The following DHX8 variants were observed in gnomAD, a reference collection of about 807,000 sequenced individuals.
The protein encoded by DHX8 is DEAH-box helicase 8.
In DHX8, 67 loss-of-function variants were observed where a neutral mutation model predicts 140.7. That is an observed-to-expected ratio of 0.48 (90% CI 0.39 to 0.58). The LOEUF (loss-of-function observed/expected upper bound fraction) is 0.58, where lower values mean the gene tolerates loss of function less well. Ranked by LOEUF, DHX8 falls within the 20% of genes least tolerant of loss-of-function variation. DHX8 has a pLI of 0.00. For synonymous variants in DHX8, 533 were observed against 553.2 expected, an observed-to-expected ratio of 0.96 and a Z score of 0.51; for missense variants, 887 against 1,550.7, an observed-to-expected ratio of 0.57 and a Z score of 7.19.
intron 3 of DHX8, chr17:43,544,112 C>T (rs956890440): frequency 2.1e-4 from 32 of 152,132 alleles, no homozygotes; most frequent in African/African-American, 7.7e-4. Context: ...GGTAGTTAAC[C>T]CTTCCCTCTC....
downstream of DHX8, among the ~76,000 whole-genome samples, chr17:43,531,104 G>A (rs1386095997): frequency 2.0e-5 from 3 of 152,346 alleles, no homozygotes; most frequent in African/African-American, 7.2e-5. Flanking sequence ...TTGAGGACAG[G>A]AGCACCATCC....
At position 43,523,873 on chromosome 17, in the gene DHX8, C is replaced by T; in HGVS notation, c.*26C>T. 1 of 1,613,690 alleles carries T rather than the reference C, an allele frequency of 6.2e-7. No homozygotes were observed. Among genetic ancestry groups the T allele is most frequent in the Non-Finnish European group, 8.5e-7 (1 of 1,179,816 alleles). Reference sequence around the variant, plus strand: ...AAGGCAAGATTGTTCCTTTGCCTCTCCAGCAGCAGTAGCCAGGGCTTGGAC... The same window carrying T: ...AAGGCAAGATTGTTCCTTTGCCTCTTCAGCAGCAGTAGCCAGGGCTTGGAC... On this transcript the variant is annotated 3_prime_UTR_variant, in exon 23 of 23. Coordinates refer to ENST00000262415, the MANE Select transcript of DHX8 (RefSeq NM_004941.3).
chr17:43,522,956 G>A, intron 22 of DHX8, among the ~76,000 whole-genome samples: 1 of 151,116 alleles, frequency 6.6e-6, no homozygotes, highest in East Asian at 1.9e-4. Flanking sequence ...CCAGCTACTT[G>A]GGAGGCTGAG....
chr17:43,522,703 A>G (rs9905593), intron 22 of DHX8, among the ~76,000 whole-genome samples: 32,265 of 132,578 alleles, frequency 0.24, 3,874 homozygotes, highest in Middle Eastern at 0.4. Flanking sequence ...AGCCGAAATC[A>G]CCCATTGCAC....
chr17:43,492,872 C>G lies in DHX8; in HGVS notation c.695C>G (p.Pro232Arg). 1 of 1,614,170 alleles carries G rather than the reference C, an allele frequency of 6.2e-7. No individual in the cohort carries two copies. The highest frequency in any genetic ancestry group is 1.1e-5 in the South Asian group (1 of 91,088). Residue 232 changes from proline (P) to arginine (R), a missense_variant, in exon 6 of 23, where the codon CCC becomes CGC. Pro to Arg is a moderately radical substitution (Grantham distance 103). Around this residue, in one of 9 missense-constraint regions of DHX8, gnomAD observed 304 missense variants for 306.9 expected, o/e 0.99. Transcript: ENST00000262415. The part of the protein sequence containing the change: ...YRSRSRSQSP[P>R]KDRKDRDKYG... ...TCCAGGAGCAGGAGTCAGAGTCCCC[C>G]CAAAGACCGGAAGGACCGGGACAAA... is the stretch of plus-strand genomic sequence containing the variant.
chr17:43,504,535 G>C, intron 11 of DHX8, 109 bp from the exon 12 acceptor site: 1 of 1,050,788 alleles, frequency 9.5e-7, no homozygotes, highest in Non-Finnish European at 1.4e-6. Context: ...ATCACGGGTC[G>C]CTGAATTGAG....
rs2154586535 is a variant in DHX8 at position 43,499,944 on chromosome 17, C to T, written c.1399-12C>T. ...CATTTAATCCATGTTGTTTTTTCTT[C>T]TGTTGCACCAGAACCCAGACGGCTC... On this transcript the variant is annotated splice_polypyrimidine_tract_variant and intron_variant, in intron 10 of 22. Coordinates refer to ENST00000262415, the MANE Select transcript of DHX8 (RefSeq NM_004941.3). 6.2e-7 allele frequency: 1 copy of T among 1,609,952 alleles called. No homozygotes were observed. Among genetic ancestry groups the T allele is most frequent in the Non-Finnish European group, 8.5e-7 (1 of 1,178,746 alleles).
chr17:43,529,506 C>G (rs768920741), downstream of DHX8: 27 of 1,609,200 alleles, frequency 1.7e-5, no homozygotes, highest in Non-Finnish European at 2.1e-5. Flanking sequence ...AGGCCCACCT[C>G]CTCAGGCTCA....
chr17:43,523,891 G>A lies in DHX8; in HGVS notation c.*44G>A, dbSNP rs370583668. On this transcript the variant is annotated 3_prime_UTR_variant, in exon 23 of 23. Transcript: ENST00000262415. Reference sequence around the variant, plus strand: ...TGCCTCTCCAGCAGCAGTAGCCAGGGCTTGGACTTATCGATGACAGGCTGG... The same window carrying A: ...TGCCTCTCCAGCAGCAGTAGCCAGGACTTGGACTTATCGATGACAGGCTGG... 19 of 1,610,140 alleles carry A rather than the reference G, an allele frequency of 1.2e-5. No homozygotes were observed. The African/African-American group carries it at 1.6e-4, about 14-fold the overall frequency.
At chr17:43,495,096 G>C (rs570206564) in intron 8 of DHX8, among the ~76,000 whole-genome samples, 2 of 152,216 alleles carry the variant, frequency 1.3e-5, no homozygotes, top group East Asian at 3.9e-4. Context: ...TTACAGGCGT[G>C]AGCCACTGTG....
At chr17:43,533,361 A>C (rs751919532) in intron 2 of DHX8, 1 of 1,609,570 alleles carries the variant, frequency 6.2e-7, no homozygotes, top group Admixed American at 1.7e-5. Flanking sequence ...GGAGTTGAGA[A>C]GGAGACAGGG....
chr17:43,509,054 G>C (rs1178196668), intron 16 of DHX8, among the ~76,000 whole-genome samples: 1 of 152,148 alleles, frequency 6.6e-6, no homozygotes, highest in Non-Finnish European at 1.5e-5. Flanking sequence ...TATTTTTTGA[G>C]CATCTACCAG....
chr17:43,523,662 G>GA lies in DHX8; in HGVS notation c.3480dup (p.Tyr1161IlefsTer4). The GA allele has an allele frequency of 6.2e-7, 1 of 1,614,190 alleles. No individual in the cohort carries two copies. The highest frequency in any genetic ancestry group is 1.3e-5 in the African/African-American group (1 of 75,034). On this transcript the variant is annotated frameshift_variant, in exon 23 of 23. Transcript: ENST00000262415. LOFTEE classifies it high-confidence loss of function. ...CCATGAGCTGGTGCTCACCACCAAG[G>GA]AATACATGCGTGAAGTTACCACCAT...
Position 43,492,872 on chromosome 17 carries a change from C to T in DHX8, c.695C>T (p.Pro232Leu). The T allele has an allele frequency of 6.2e-7, 1 of 1,614,170 alleles. No individual in the cohort carries two copies. The highest frequency in any genetic ancestry group is 8.5e-7 in the Non-Finnish European group (1 of 1,180,038). ...TCCAGGAGCAGGAGTCAGAGTCCCC[C>T]CAAAGACCGGAAGGACCGGGACAAA... is the stretch of plus-strand genomic sequence containing the variant. ...YRSRSRSQSP[P>L]KDRKDRDKYG... Residue 232 changes from proline to leucine, a missense_variant, in exon 6 of 23, where the codon CCC becomes CTC. This residue lies in a region of DHX8 where 304 missense variants were observed against 306.9 expected (regional missense o/e 0.99). Coordinates refer to ENST00000262415, the MANE Select transcript of DHX8 (RefSeq NM_004941.3).
Position 43,523,890 on chromosome 17 carries a change from G to A in DHX8, c.*43G>A. 1 of 1,610,474 alleles carries A rather than the reference G, an allele frequency of 6.2e-7. No individual in the cohort carries two copies. The highest frequency in any genetic ancestry group is 8.5e-7 in the Non-Finnish European group (1 of 1,177,856). On this transcript the variant is annotated 3_prime_UTR_variant, in exon 23 of 23. Coordinates refer to ENST00000262415, the MANE Select transcript of DHX8 (RefSeq NM_004941.3). ...TTGCCTCTCCAGCAGCAGTAGCCAG[G>A]GCTTGGACTTATCGATGACAGGCTG...
intron 4 of DHX8, 94 bp from the exon 5 acceptor site, chr17:43,492,089 C>T (rs1968551389): frequency 2.4e-6 from 2 of 837,558 alleles, no homozygotes; most frequent in African/African-American, 1.7e-5. Context: ...CTATTTCCCT[C>T]ACATAGTGAT....
downstream of DHX8, chr17:43,526,511 CCCT>C (rs1177585479): frequency 3.8e-5 from 59 of 1,535,690 alleles, no homozygotes; most frequent in East Asian, 1.4e-3. Flanking sequence ...AGCACTTCCT[CCCT>C]GTGGTTGCTG....
At chr17:43,504,873 A>G (rs975646739) in intron 12 of DHX8, 48 bp downstream of exon 12, 2 of 1,519,180 alleles carry the variant, frequency 1.3e-6, no homozygotes, top group Admixed American at 2.0e-5. Context: ...GTTATTGTCT[A>G]AAAGAGGGGT....
Position 43,492,717 on chromosome 17 carries a change from A to C in DHX8, c.540A>C (p.Arg180=). Residue 180 remains arginine, a synonymous_variant, in exon 6 of 23, where the codon CGA becomes CGC. Coordinates refer to ENST00000262415, the MANE Select transcript of DHX8 (RefSeq NM_004941.3). Reference sequence around the variant, plus strand: ...AGAAGAAGAAGCGGAGTCGAAGCCGAGATCGAAACCGAGATCGAGACAGAG... The same window carrying C: ...AGAAGAAGAAGCGGAGTCGAAGCCGCGATCGAAACCGAGATCGAGACAGAG... The part of the protein sequence containing the change: ...RTKKKKRSRS[R]DRNRDRDRDR... The C allele has an allele frequency of 6.2e-7, 1 of 1,607,644 alleles. No homozygotes were observed.
Sources: allele counts gnomAD v4.1 joint callset (sites outside exome capture counted in the v4.1 genomes callset), GRCh38; gene constraint gnomAD v4.1.1; regional missense constraint gnomAD v4.1.1; transcripts MANE v1.5; gene names NCBI Gene and HGNC (gene_info 2026-07-23, HGNC 2026-07-21).